RBFOX1: variants seen among roughly 807,000 people sequenced by gnomAD.
RBFOX1 encodes RNA binding fox-1 homolog 1, also known as RNA binding protein fox-1 homolog 1.
A neutral mutation model predicts 57.7 loss-of-function variants in RBFOX1; 8 were observed. The ratio of observed to expected loss-of-function variants is 0.14; its 90% CI spans 0.08 to 0.25. RBFOX1 has a LOEUF of 0.25. Among genes scored for constraint, RBFOX1 ranks in the 10% least tolerant of loss-of-function variants. The probability of loss-of-function intolerance (pLI) is 1.00; values close to 1 mark genes in which losing one functional copy is unlikely to be tolerated. For missense variants in RBFOX1, 611 were observed against 548.5 expected, an observed-to-expected ratio of 1.11 and a Z score of -1.14; for synonymous variants, 326 against 222.4, an observed-to-expected ratio of 1.47 and a Z score of -4.15.
intron 1 of RBFOX1, among the ~76,000 whole-genome samples, chr16:5,249,927 AGG>A (rs2062404372): frequency 1.3e-5 from 2 of 151,696 alleles, no homozygotes; most frequent in Admixed American, 6.6e-5. Context: ...AGTGAGGAGG[AGG>A]TTGCAGTGAG....
rs139525092 is a variant in RBFOX1, at chr16:5,747,314, A to T, written c.319-119989A>T. 9.2e-5 allele frequency among the ~76,000 whole-genome samples: 14 copies of T among 152,310 alleles called. No individual in the cohort carries two copies. In the East Asian group the frequency reaches 2.5e-3, roughly 27 times the overall value. On this transcript the variant is annotated intron_variant, in intron 3 of 19. Transcript: ENST00000641259. Reference sequence around the variant, plus strand: ...TATTTTATTGAGGATTTTTACATCAATGTTCATCAGGGATATTGGTCTGAA... The same window carrying T: ...TATTTTATTGAGGATTTTTACATCATTGTTCATCAGGGATATTGGTCTGAA...
At chr16:7,638,878 C>T (rs545173879) in intron 11 of RBFOX1, among the ~76,000 whole-genome samples, 5 of 152,166 alleles carry the variant, frequency 3.3e-5, no homozygotes, top group African/African-American at 9.6e-5. Context: ...CTTAAAAGGA[C>T]AGAACATGGT....
intron 14 of RBFOX1, among the ~76,000 whole-genome samples, chr16:7,701,769 A>C (rs2080816403): frequency 6.6e-6 from 1 of 152,204 alleles, no homozygotes. Context: ...CCCTAAATTC[A>C]CTAACTGACC....
intron 2 of RBFOX1, among the ~76,000 whole-genome samples, chr16:6,587,051 C>A (rs931520095): frequency 5.3e-5 from 8 of 151,876 alleles, no homozygotes; most frequent in Non-Finnish European, 8.8e-5. Context: ...AAAATCTATT[C>A]CTTTAGCAAT....
At chr16:6,256,614 T>G (rs1204008493) in intron 1 of RBFOX1, among the ~76,000 whole-genome samples, 1 of 152,066 alleles carries the variant, frequency 6.6e-6, no homozygotes, top group Non-Finnish European at 1.5e-5. Context: ...TTAGGACAGG[T>G]GCTGGCAGTC....
chr16:7,415,060 A>G (rs532831750), intron 4 of RBFOX1, among the ~76,000 whole-genome samples: 42 of 152,372 alleles, frequency 2.8e-4, no homozygotes, highest in African/African-American at 1.0e-3. Flanking sequence ...AGCCTCTGAC[A>G]TACAAAGATT....
At chr16:7,522,820 G>A (rs1448811425) in intron 5 of RBFOX1, among the ~76,000 whole-genome samples, 1 of 152,114 alleles carries the variant, frequency 6.6e-6, no homozygotes, top group Non-Finnish European at 1.5e-5. Context: ...TAGGAAAAAA[G>A]AAACCACTTT....
intron 5 of RBFOX1, among the ~76,000 whole-genome samples, chr16:7,540,850 T>C (rs1055270103): frequency 2.0e-5 from 3 of 152,224 alleles, no homozygotes; most frequent in Non-Finnish European, 2.9e-5. Context: ...AGAAGTCTTA[T>C]CACTTTCCTT....
intron 4 of RBFOX1, among the ~76,000 whole-genome samples, chr16:7,485,856 T>C (rs1197516528): frequency 1.3e-5 from 2 of 152,236 alleles, no homozygotes; most frequent in Non-Finnish European, 2.9e-5. Context: ...AGTGTCGGTC[T>C]GCAGGCCCAT....
chr16:5,791,816 T>C (rs2151732736), intron 3 of RBFOX1, among the ~76,000 whole-genome samples: 1 of 152,336 alleles, frequency 6.6e-6, no homozygotes. Context: ...TTGCTTGGTT[T>C]CCACTTAAGG....
At chr16:7,294,178 C>T (rs2095847052) in intron 4 of RBFOX1, among the ~76,000 whole-genome samples, 1 of 152,050 alleles carries the variant, frequency 6.6e-6, no homozygotes, top group Non-Finnish European at 1.5e-5. Context: ...CCTTCCCACC[C>T]ACTTGTTCAT....
In RBFOX1 at chr16:6,896,340, TTAC is replaced by T. The variant is rs780198386; in HGVS notation, c.-15-155712_-15-155710del. Among the ~76,000 whole-genome samples the T allele has an allele frequency of 6.6e-5, 10 of 152,338 alleles. 2 individuals are homozygous for T. Among genetic ancestry groups the T allele is most frequent in the East Asian group, 1.9e-4 (1 of 5,184 alleles). On this transcript the variant is annotated intron_variant, in intron 3 of 15. Transcript: ENST00000550418. ...CTTTTAGTTATTTTTAAATATAAAA[TTAC>T]TACTGAGTATAGTAATCAAATAATA...
intron 1 of RBFOX1, among the ~76,000 whole-genome samples, chr16:5,454,907 T>C (rs1485711200): frequency 0.017 from 1,879 of 107,454 alleles, 96 homozygotes; most frequent in East Asian, 0.045. Context: ...TCTTTCTTTC[T>C]TTCTTTCCTT....
At chr16:6,407,219 A>G (rs1025500143) in intron 2 of RBFOX1, among the ~76,000 whole-genome samples, 8 of 152,096 alleles carry the variant, frequency 5.3e-5, no homozygotes, top group Non-Finnish European at 1.0e-4. Context: ...TTATATACCT[A>G]CATCCTTATC....
At chr16:6,122,455 A>G (rs2096557894) in intron 1 of RBFOX1, among the ~76,000 whole-genome samples, 1 of 152,008 alleles carries the variant, frequency 6.6e-6, no homozygotes, top group Admixed American at 6.6e-5. Flanking sequence ...CACTTTATGA[A>G]TTCCCTAATC....
intron 3 of RBFOX1, among the ~76,000 whole-genome samples, chr16:7,049,989 C>A (rs2049432375): frequency 6.6e-6 from 1 of 152,198 alleles, no homozygotes; most frequent in Non-Finnish European, 1.5e-5. Flanking sequence ...AAACCTCATA[C>A]CCATTAAGCA....
intron 2 of RBFOX1, among the ~76,000 whole-genome samples, chr16:6,381,193 T>C (rs1051666105): frequency 6.6e-6 from 1 of 152,176 alleles, no homozygotes; most frequent in Non-Finnish European, 1.5e-5. Flanking sequence ...TTTATTTTTA[T>C]AGATTTAAGA....
At chr16:6,812,024 T>C (rs181706990) in intron 3 of RBFOX1, among the ~76,000 whole-genome samples, 140 of 152,304 alleles carry the variant, frequency 9.2e-4, no homozygotes, top group Non-Finnish European at 1.6e-3. Flanking sequence ...TCCAGATAAA[T>C]AGTGCAGTAC....
intron 1 of RBFOX1, among the ~76,000 whole-genome samples, chr16:6,206,785 T>A (rs1163576571): frequency 2.0e-5 from 3 of 152,132 alleles, no homozygotes; most frequent in Non-Finnish European, 2.9e-5. Context: ...CTCCCTCCCT[T>A]TTACTTTAAT....
Sources: allele counts gnomAD v4.1 joint callset (sites outside exome capture counted in the v4.1 genomes callset), GRCh38; gene constraint gnomAD v4.1.1; transcripts MANE v1.5; gene names NCBI Gene and HGNC (gene_info 2026-07-23, HGNC 2026-07-21).